Variants in PPFIA2 observed in about 807,000 individuals in gnomAD.
The protein encoded by PPFIA2 is PPFI scaffold protein A2.
PPFIA2 carries 46 observed loss-of-function variants against 175.5 expected under a neutral mutation model. The observed-to-expected ratio is 0.26, with a 90% CI of 0.21 to 0.34. The LOEUF (loss-of-function observed/expected upper bound fraction) is 0.34. PPFIA2 is among the 10% of genes least tolerant of loss of function. PPFIA2 has a pLI of 1.00. For synonymous variants in PPFIA2, 568 were observed against 511.4 expected (o/e 1.11, Z -1.49); for missense variants, 1,179 against 1,506.1 (o/e 0.78, Z 3.60).
intron 7 of PPFIA2, among the ~76,000 whole-genome samples, chr12:81,420,374 A>G (rs1158722233): frequency 1.3e-5 from 2 of 152,170 alleles, no homozygotes; most frequent in African/African-American, 2.4e-5. Context: ...ATTCAAAATA[A>G]TTATTTTAAA....
chr12:81,691,750 G>C lies in PPFIA2; in HGVS notation c.250-14906C>G, dbSNP rs191280201. ...GTTAGCTAAAAGCAAACTTTAATTA[G>C]CTGTGGAAAGGAGATAAGTAACTTT... On this transcript the variant is annotated intron_variant, in intron 3 of 32. Coordinates refer to ENST00000549396, the MANE Select transcript of PPFIA2 (RefSeq NM_003625.5). Among the ~76,000 whole-genome samples, 365 of 152,214 alleles carry C rather than the reference G, an allele frequency of 2.4e-3. 7 individuals are homozygous for C. The highest frequency in any genetic ancestry group is 0.021 in the Admixed American group (321 of 15,280).
chr12:81,657,997 T>C (rs767146857), intron 4 of PPFIA2, among the ~76,000 whole-genome samples: 3 of 152,090 alleles, frequency 2.0e-5, no homozygotes, highest in African/African-American at 4.8e-5. Flanking sequence ...TGGCTGGGTG[T>C]GGTGGCTTAC....
chr12:81,746,064 C>T (rs1597156596), intron 3 of PPFIA2, among the ~76,000 whole-genome samples: 1 of 144,718 alleles, frequency 6.9e-6, no homozygotes, highest in South Asian at 2.3e-4. Flanking sequence ...CTTAGCATCT[C>T]CTGCAAATAA....
At position 81,361,233 on chromosome 12, in the gene PPFIA2, G is replaced by T. The variant is rs561871754; in HGVS notation, c.1637+1460C>A. ...ATAAGGTCAAAAAAACAAGGAAATG[G>T]CCATTTATTCTTAATCAAATATATT... is the stretch of plus-strand genomic sequence containing the variant. On this transcript the variant is annotated intron_variant, in intron 15 of 32. Coordinates refer to ENST00000549396, the MANE Select transcript of PPFIA2 (RefSeq NM_003625.5). 4.0e-5 allele frequency among the ~76,000 whole-genome samples: 6 copies of T among 151,562 alleles called. No individual in the cohort carries two copies. The East Asian group carries it at 9.7e-4, about 25-fold the overall frequency.
At chr12:81,696,595 C>A (rs538138956) in intron 3 of PPFIA2, among the ~76,000 whole-genome samples, 10 of 152,204 alleles carry the variant, frequency 6.6e-5, no homozygotes, top group Admixed American at 5.2e-4. Flanking sequence ...TTTTACAGAT[C>A]GAATGGGGAC....
intron 4 of PPFIA2, among the ~76,000 whole-genome samples, chr12:81,647,333 A>G (rs934481641): frequency 2.0e-5 from 3 of 152,186 alleles, no homozygotes; most frequent in Admixed American, 6.5e-5. Context: ...GTAAGACAGT[A>G]TCAAATGGTC....
intron 4 of PPFIA2, among the ~76,000 whole-genome samples, chr12:81,521,466 A>G (rs2148059134): frequency 6.6e-6 from 1 of 152,302 alleles, no homozygotes; most frequent in East Asian, 1.9e-4. Context: ...CAGTAAGTGC[A>G]ATATACTAAC....
At chr12:81,399,355 A>G (rs1164092078) in intron 8 of PPFIA2, among the ~76,000 whole-genome samples, 3 of 151,086 alleles carry the variant, frequency 2.0e-5, no homozygotes. Flanking sequence ...TACAAATGAT[A>G]CTTCTTACTG....
intron 31 of PPFIA2, 117 bp from the exon 32 acceptor site, chr12:81,262,157 T>A (rs1465589210): frequency 2.8e-6 from 2 of 711,422 alleles, no homozygotes; most frequent in Non-Finnish European, 4.9e-6. Flanking sequence ...AGACCTTCTT[T>A]CTCTCAGATA....
chr12:81,386,902 A>C (rs766835279), intron 8 of PPFIA2, among the ~76,000 whole-genome samples: 6 of 152,108 alleles, frequency 3.9e-5, no homozygotes, highest in Non-Finnish European at 2.9e-5. Flanking sequence ...TTAATATGCA[A>C]TTTTGTTCCT....
chr12:81,381,037 G>A (rs2037569170), intron 9 of PPFIA2, among the ~76,000 whole-genome samples: 1 of 148,078 alleles, frequency 6.8e-6, no homozygotes. Context: ...ATGCAGTAAC[G>A]CAGGCTGAGT....
chr12:81,369,450 CTG>C (rs2034493494), intron 11 of PPFIA2: 3 of 1,304,826 alleles, frequency 2.3e-6, no homozygotes, highest in South Asian at 3.0e-5. Context: ...AACATGCAGA[CTG>C]TGCATGGTTT....
At chr12:81,473,333 C>T (rs1195562322) in intron 4 of PPFIA2, among the ~76,000 whole-genome samples, 3 of 152,184 alleles carry the variant, frequency 2.0e-5, no homozygotes, top group Admixed American at 6.5e-5. Context: ...GGCTTGAACC[C>T]GGGAGGCGGA....
intron 30 of PPFIA2, among the ~76,000 whole-genome samples, chr12:81,263,632 A>C (rs1168109423): frequency 1.3e-5 from 2 of 152,238 alleles, no homozygotes; most frequent in Admixed American, 6.5e-5. Context: ...TCTGACATCT[A>C]TACAGTAAAT....
chr12:81,737,073 A>G (rs2081675299), intron 3 of PPFIA2, among the ~76,000 whole-genome samples: 1 of 152,026 alleles, frequency 6.6e-6, no homozygotes, highest in Admixed American at 6.6e-5. Flanking sequence ...AAAATTGGGT[A>G]ATTTTTTAAA....
At chr12:81,510,185 C>T (rs2061620566) in intron 4 of PPFIA2, among the ~76,000 whole-genome samples, 1 of 151,754 alleles carries the variant, frequency 6.6e-6, no homozygotes, top group African/African-American at 2.4e-5. Context: ...TATATATTTC[C>T]TTAATAACAT....
chr12:81,357,789 A>G (rs1242342637), intron 16 of PPFIA2, among the ~76,000 whole-genome samples: 1 of 152,100 alleles, frequency 6.6e-6, no homozygotes, highest in East Asian at 1.9e-4. Flanking sequence ...CTACCTGTGC[A>G]ATGTTGAACA....
intron 22 of PPFIA2, among the ~76,000 whole-genome samples, chr12:81,324,433 TTGTC>T (rs1212425076): frequency 6.6e-6 from 1 of 151,998 alleles, no homozygotes; most frequent in Non-Finnish European, 1.5e-5. Context: ...TGTCAAATAT[TTGTC>T]TGGGAGAAAT....
Position 81,642,835 on chromosome 12 carries a change from T to C in PPFIA2, c.303+33956A>G, listed in dbSNP as rs995955959. On this transcript the variant is annotated intron_variant, in intron 4 of 32. Coordinates refer to ENST00000549396, the MANE Select transcript of PPFIA2 (RefSeq NM_003625.5). Reference sequence around the variant, plus strand: ...TTACATACATGTATATGTATGTATGTATTACATACATATATAACATGTATT... The same window carrying C: ...TTACATACATGTATATGTATGTATGCATTACATACATATATAACATGTATT... 2.8e-4 allele frequency among the ~76,000 whole-genome samples: 38 copies of C among 135,766 alleles called. 9 individuals carry two copies. Among genetic ancestry groups the C allele is most frequent in the Non-Finnish European group, 5.5e-4 (35 of 64,110 alleles). 89.1% of individuals were successfully genotyped at this position (135,766 alleles called of 152,430 possible). A position where few individuals can be genotyped will look rare whatever the true frequency, so the allele number is the denominator to read the frequency against.
Sources: allele counts gnomAD v4.1 joint callset (sites outside exome capture counted in the v4.1 genomes callset), GRCh38; gene constraint gnomAD v4.1.1; transcripts MANE v1.5; gene names NCBI Gene and HGNC (gene_info 2026-07-23, HGNC 2026-07-21).